The following GREB1L variants were observed in gnomAD, a reference collection of about 807,000 sequenced individuals.
GREB1L encodes the protein GREB1 like retinoic acid receptor coactivator.
In GREB1L, 17 loss-of-function variants were observed where a neutral mutation model predicts 200.8. That is an observed-to-expected ratio of 0.08 (90% CI 0.06 to 0.13). The LOEUF is 0.13. Ranked by LOEUF, GREB1L falls within the 10% of genes least tolerant of loss-of-function variation. GREB1L has a pLI of 1.00. For synonymous variants in GREB1L, 789 were observed against 893.0 expected (o/e 0.88, Z 2.08); for missense variants, 1,657 against 2,367.7 (o/e 0.70, Z 6.23).
chr18:21,455,417 C>T (rs1598870036), intron 15 of GREB1L, among the ~76,000 whole-genome samples: 1 of 152,012 alleles, frequency 6.6e-6, no homozygotes, highest in African/African-American at 2.4e-5. Flanking sequence ...GGCGGTGGCT[C>T]GCACCTGTAA....
At chr18:21,252,557 G>GA (rs144115588) in intron 1 of GREB1L, among the ~76,000 whole-genome samples, 8,406 of 77,312 alleles carry the variant, frequency 0.11, 1,253 homozygotes, top group African/African-American at 0.34. Flanking sequence ...AACTCCATCT[G>GA]AAAAAAAAAA....
intron 1 of GREB1L, among the ~76,000 whole-genome samples, chr18:21,353,472 T>C (rs2039463831): frequency 2.0e-5 from 3 of 152,114 alleles, no homozygotes; most frequent in Admixed American, 2.0e-4. Context: ...ATAATAGACA[T>C]TAGCTCCTCA....
intron 1 of GREB1L, among the ~76,000 whole-genome samples, chr18:21,265,284 G>A (rs528318776): frequency 6.6e-6 from 1 of 152,070 alleles, no homozygotes; most frequent in African/African-American, 2.4e-5. Flanking sequence ...CTTGTAAGGT[G>A]AAATAGTACA....
chr18:21,501,380 A>G (rs987522001), intron 23 of GREB1L, among the ~76,000 whole-genome samples: 4 of 151,904 alleles, frequency 2.6e-5, no homozygotes, highest in Admixed American at 6.6e-5. Flanking sequence ...CCCCGCATGC[A>G]TTAGGTATTT....
intron 21 of GREB1L, 27 bp from the exon 22 acceptor site, chr18:21,499,702 G>A (rs1568062375): frequency 6.7e-7 from 1 of 1,483,094 alleles, no homozygotes; most frequent in Non-Finnish European, 9.2e-7. Context: ...AGCTGCTGTG[G>A]GGTGGGTTCT....
chr18:21,356,638 G>A (rs534775171), intron 1 of GREB1L, among the ~76,000 whole-genome samples: 1 of 152,256 alleles, frequency 6.6e-6, no homozygotes, highest in South Asian at 2.1e-4. Context: ...GACCAGGGGG[G>A]TGCACATATT....
At chr18:21,388,460 A>G (rs1156868766) in intron 4 of GREB1L, among the ~76,000 whole-genome samples, 4 of 151,146 alleles carry the variant, frequency 2.6e-5, no homozygotes, top group Non-Finnish European at 4.4e-5. Context: ...GTTTTTTCCT[A>G]ATATCCTTTT....
rs1158853137 is a variant in GREB1L, at chr18:21,451,017, C to T, written c.1721-6C>T. 6.4e-6 allele frequency: 10 copies of T among 1,551,798 alleles called. No individual in the cohort carries two copies. The highest frequency in any genetic ancestry group is 8.7e-6 in the Non-Finnish European group (10 of 1,146,900). On this transcript the variant is annotated splice_polypyrimidine_tract_variant and splice_region_variant and intron_variant, in intron 12 of 32. Coordinates refer to ENST00000424526, the MANE Select transcript of GREB1L (RefSeq NM_001142966.3). ...TGAGTCTTCTCTTCTCTCCTCCATC[C>T]TGCAGGTCAGCACCAGTCCCGAGCT...
intron 14 of GREB1L, 90 bp downstream of exon 14, chr18:21,452,307 C>A: frequency 1.6e-6 from 2 of 1,288,212 alleles, no homozygotes; most frequent in Non-Finnish European, 2.1e-6. Context: ...GAGGATTCTT[C>A]AAGTCACAGA....
chr18:21,489,885 T>TA (rs1176720737), intron 18 of GREB1L, 127 bp from the exon 19 acceptor site: 1 of 677,640 alleles, frequency 1.5e-6, no homozygotes, highest in African/African-American at 1.8e-5. Context: ...ATTCTAGAAC[T>TA]AAAGCCCCAC....
intron 10 of GREB1L, among the ~76,000 whole-genome samples, chr18:21,442,712 A>G (rs1397963042): frequency 6.6e-6 from 1 of 152,182 alleles, no homozygotes; most frequent in Admixed American, 6.5e-5. Context: ...AAGATAACAA[A>G]GGAACAGGGA....
At chr18:21,340,422 AAAAC>A (rs992767865) in intron 1 of GREB1L, among the ~76,000 whole-genome samples, 9 of 151,920 alleles carry the variant, frequency 5.9e-5, no homozygotes, top group African/African-American at 2.4e-5. Context: ...TCCGTCTCAA[AAAAC>A]AAACAAACAA....
chr18:21,319,634 A>G (rs2038922759), intron 1 of GREB1L, among the ~76,000 whole-genome samples: 1 of 152,222 alleles, frequency 6.6e-6, no homozygotes, highest in African/African-American at 2.4e-5. Context: ...TTAAACCTCC[A>G]ACTTAGACTT....
chr18:21,370,333 A>G (rs562777518), intron 2 of GREB1L, among the ~76,000 whole-genome samples: 2 of 152,360 alleles, frequency 1.3e-5, no homozygotes, highest in African/African-American at 2.4e-5. Context: ...ATAATTGAGA[A>G]TGACAAATAT....
At chr18:21,310,631 G>A (rs1479588439) in intron 1 of GREB1L, among the ~76,000 whole-genome samples, 3 of 151,904 alleles carry the variant, frequency 2.0e-5, no homozygotes, top group Non-Finnish European at 4.4e-5. Flanking sequence ...TGACTTTACC[G>A]ACACCCTGAA....
At chr18:21,409,692 G>T (rs80111939) in intron 7 of GREB1L, among the ~76,000 whole-genome samples, 3,412 of 152,222 alleles carry the variant, frequency 0.022, 139 homozygotes, top group African/African-American at 0.079. Flanking sequence ...ACAGCACAGG[G>T]CTGGGAGTCA....
At chr18:21,294,136 G>A (rs1313344872) in intron 1 of GREB1L, among the ~76,000 whole-genome samples, 2 of 152,174 alleles carry the variant, frequency 1.3e-5, no homozygotes, top group Admixed American at 1.3e-4. Flanking sequence ...GGTAGTCACA[G>A]CCACATGTGG....
chr18:21,477,837 C>T (rs2035767033), intron 17 of GREB1L, among the ~76,000 whole-genome samples: 1 of 151,680 alleles, frequency 6.6e-6, no homozygotes, highest in Admixed American at 6.6e-5. Flanking sequence ...CCAAAAGTTC[C>T]ATATATTTTA....
chr18:21,302,081 C>T (rs1478615491), intron 1 of GREB1L, among the ~76,000 whole-genome samples: 1 of 152,200 alleles, frequency 6.6e-6, no homozygotes, highest in Non-Finnish European at 1.5e-5. Flanking sequence ...TAGCCTTTTA[C>T]TTTCTTCCTT....
Sources: gnomAD v4.1 joint callset for allele counts (sites outside exome capture counted in the v4.1 genomes callset) on GRCh38, gnomAD v4.1.1 for gene constraint, MANE v1.5 for transcripts, NCBI Gene and HGNC (gene_info 2026-07-23, HGNC 2026-07-21) for gene names.